DYSF: variants seen among roughly 807,000 people sequenced by gnomAD.
DYSF encodes the protein dystrophy-associated fer-1-like 1.
Under a neutral mutation model 274.9 loss-of-function variants are expected in DYSF, and 212 were observed. The ratio of observed to expected loss-of-function variants is 0.77; its 90% CI spans 0.69 to 0.86. The LOEUF (loss-of-function observed/expected upper bound fraction) is 0.86, where lower values mean the gene tolerates loss of function less well. DYSF is among the 40% of genes least tolerant of loss of function. The pLI is 0.00. For missense variants in DYSF, 2,666 were observed against 2,783.2 expected (o/e 0.96, Z 0.95); for synonymous variants, 1,091 against 1,078.7 (o/e 1.01, Z -0.22).
At chr2:71,474,137 G>A (rs1295917158) in intron 1 of DYSF, among the ~76,000 whole-genome samples, 2 of 152,058 alleles carry the variant, frequency 1.3e-5, no homozygotes, top group Non-Finnish European at 2.9e-5. Flanking sequence ...TGTTGGTCAG[G>A]CTGGTCTGGA....
intron 42 of DYSF, among the ~76,000 whole-genome samples, chr2:71,646,329 GC>G (rs2094567260): frequency 6.6e-6 from 1 of 152,242 alleles, no homozygotes; most frequent in Non-Finnish European, 1.5e-5. Context: ...GCCCCTCGCT[GC>G]TCCCTCAGGT....
chr2:71,526,547 A>G (rs912406336), intron 13 of DYSF, among the ~76,000 whole-genome samples: 5 of 152,260 alleles, frequency 3.3e-5, no homozygotes, highest in African/African-American at 1.2e-4. Context: ...GCTGCCTCTC[A>G]GCTCCATTCC....
rs2091125651 is a variant in DYSF, at chr2:71,553,709, C to T, written c.1985-98C>T. 7.5e-6 allele frequency: 9 copies of T among 1,205,698 alleles called. No individual in the cohort carries two copies. In the South Asian group the frequency reaches 7.7e-5, roughly 10 times the overall value. 74.7% of individuals were successfully genotyped at this position (1,205,698 alleles called of 1,614,324 possible). A position where few individuals can be genotyped will look rare whatever the true frequency, so the allele number is the denominator to read the frequency against. On this transcript the variant is annotated intron_variant, in intron 20 of 55. Transcript: ENST00000410020. ...TGGTCCCTTTCCCAGCTCTGCCAGT[C>T]CTAGCCCTGGAGTGCCCAGGAGGCT...
intron 24 of DYSF, among the ~76,000 whole-genome samples, chr2:71,564,524 A>G (rs1389162010): frequency 6.6e-6 from 1 of 152,148 alleles, no homozygotes; most frequent in Non-Finnish European, 1.5e-5. Context: ...TTGTCCTTCC[A>G]GGCAGGTCCC....
intron 10 of DYSF, among the ~76,000 whole-genome samples, chr2:71,517,564 T>C (rs979057799): frequency 2.6e-5 from 4 of 152,124 alleles, no homozygotes; most frequent in East Asian, 3.9e-4. Flanking sequence ...ACCATCTATG[T>C]TAGCTAATTT....
At chr2:71,627,001 C>G (rs2094218279) in intron 41 of DYSF, among the ~76,000 whole-genome samples, 1 of 151,336 alleles carries the variant, frequency 6.6e-6, no homozygotes, top group African/African-American at 2.4e-5. Context: ...TCTTCTCCAT[C>G]TAGTTATGCC....
At chr2:71,630,012 T>C (rs2094285745) in intron 41 of DYSF, among the ~76,000 whole-genome samples, 1 of 152,232 alleles carries the variant, frequency 6.6e-6, no homozygotes, top group Admixed American at 6.5e-5. Context: ...TTTAAGAGCA[T>C]TGGGAGACAT....
At chr2:71,460,302 G>A (rs57611588) in intron 1 of DYSF, among the ~76,000 whole-genome samples, 27,362 of 152,140 alleles carry the variant, frequency 0.18, 2,735 homozygotes, top group East Asian at 0.45. Flanking sequence ...GAGGCGTGCC[G>A]CTTCCCTTTA....
chr2:71,634,635 G>A (rs1371863367), intron 41 of DYSF, among the ~76,000 whole-genome samples: 1 of 152,130 alleles, frequency 6.6e-6, no homozygotes, highest in African/African-American at 2.4e-5. Context: ...TCTCCTGTGA[G>A]CCCACATTTT....
At chr2:71,590,147 G>T in intron 31 of DYSF, 64 bp from the exon 32 acceptor site, 1 of 1,551,246 alleles carries the variant, frequency 6.4e-7, no homozygotes, top group South Asian at 1.1e-5. Flanking sequence ...ACCTCCCCCC[G>T]AGCCCCAGCT....
At chr2:71,623,241 T>G (rs149725308) in intron 41 of DYSF, among the ~76,000 whole-genome samples, 3 of 151,810 alleles carry the variant, frequency 2.0e-5, no homozygotes, top group Admixed American at 6.5e-5. Flanking sequence ...TAGTTACATA[T>G]GTATACATGT....
At chr2:71,564,755 C>A (rs906069987) in intron 24 of DYSF, among the ~76,000 whole-genome samples, 1 of 152,246 alleles carries the variant, frequency 6.6e-6, no homozygotes, top group East Asian at 1.9e-4. Flanking sequence ...CTCACCAGCC[C>A]CCACCTCTCC....
In DYSF at chr2:71,574,180, G is replaced by A. The variant is rs1365278928; in HGVS notation, c.3229-18G>A. Reference sequence around the variant, plus strand: ...AGCCTTCCCACCGGCCTCTGAGTCTGCCCCTTCTCTTGTGCAGCACAGGCA... The same window carrying A: ...AGCCTTCCCACCGGCCTCTGAGTCTACCCCTTCTCTTGTGCAGCACAGGCA... On this transcript the variant is annotated intron_variant, in intron 29 of 55. Transcript: ENST00000410020. 5.0e-5 allele frequency: 80 copies of A among 1,613,130 alleles called. No homozygotes were observed. The highest frequency in any genetic ancestry group is 6.6e-5 in the Non-Finnish European group (78 of 1,179,914).
At chr2:71,503,398 A>C in intron 4 of DYSF, 79 bp downstream of exon 4, 1 of 1,420,896 alleles carries the variant, frequency 7.0e-7, no homozygotes, top group Non-Finnish European at 9.9e-7. Flanking sequence ...TGCCATTCTG[A>C]CCCCAGACAT....
chr2:71,526,141 AG>A (rs1380361640), intron 12 of DYSF, 78 bp from the exon 13 acceptor site: 41 of 1,612,806 alleles, frequency 2.5e-5, no homozygotes, highest in Non-Finnish European at 3.4e-5. Flanking sequence ...TATGTGGCGA[AG>A]CTGGAACTCT....
chr2:71,616,428 C>T (rs975617847), intron 40 of DYSF, among the ~76,000 whole-genome samples: 10 of 139,748 alleles, frequency 7.2e-5, no homozygotes, highest in Non-Finnish European at 1.1e-4. Context: ...TATGTGTAGA[C>T]TTTAGAGTGG....
intron 3 of DYSF, among the ~76,000 whole-genome samples, chr2:71,488,295 T>C (rs1160676900): frequency 1.3e-5 from 2 of 152,204 alleles, no homozygotes; most frequent in Non-Finnish European, 2.9e-5. Context: ...TAATTTGTTC[T>C]GGAAAAATGC....
In DYSF at chr2:71,656,208, C is replaced by A. The variant is rs201226634; in HGVS notation, c.4673C>A (p.Ser1558Tyr). ...AATGTGGAGGCCTTTGAGGGCCTGT[C>A]TGACTTTTGTAACACCTTCAAGCTG... Reference protein sequence around the residue: ...LENVEAFEGLSDFCNTFKLYR... With the variant: ...LENVEAFEGLYDFCNTFKLYR... The change falls in exon 43 of 56, where the codon TCT becomes TAT. Residue 1558 changes from serine to tyrosine, a missense_variant. Coordinates refer to ENST00000410020, the MANE Select transcript of DYSF (RefSeq NM_001130987.2). 6.2e-7 allele frequency: 1 copy of A among 1,614,196 alleles called. No homozygotes were observed. The highest frequency in any genetic ancestry group is 1.7e-5 in the Admixed American group (1 of 60,026).
chr2:71,505,663 G>A (rs1455215738), intron 4 of DYSF, among the ~76,000 whole-genome samples: 4 of 152,202 alleles, frequency 2.6e-5, no homozygotes, highest in Admixed American at 1.3e-4. Context: ...CTAGGTTGAT[G>A]GGGAAAACAC....
Sources: gnomAD v4.1 joint callset for allele counts (sites outside exome capture counted in the v4.1 genomes callset) on GRCh38, gnomAD v4.1.1 for gene constraint, MANE v1.5 for transcripts, NCBI Gene and HGNC (gene_info 2026-07-23, HGNC 2026-07-21) for gene names.